The following AGMO variants were observed in gnomAD, a reference collection of about 807,000 sequenced individuals.
The protein encoded by AGMO is alkylglycerol monooxygenase, also known as glyceryl-ether monooxygenase.
AGMO carries 75 observed loss-of-function variants against 60.2 expected under a neutral mutation model. The ratio of observed to expected loss-of-function variants is 1.25; its 90% CI spans 1.03 to 1.51. The LOEUF (loss-of-function observed/expected upper bound fraction) is 1.51. Ranked by LOEUF, AGMO falls within the 40% of genes most tolerant of loss-of-function variation. The pLI, the probability that AGMO is intolerant of heterozygous loss-of-function variation, is 0.00. For missense variants in AGMO, 763 were observed against 525.5 expected (o/e 1.45, Z -4.42); for synonymous variants, 261 against 177.1 (o/e 1.47, Z -3.76).
the AGMO span, among the ~76,000 whole-genome samples, chr7:15,162,364 G>A: frequency 6.6e-6 from 1 of 152,048 alleles, no homozygotes; most frequent in Non-Finnish European, 1.5e-5. Flanking sequence ...CTTATCATAG[G>A]TTTGCTATGC....
chr7:15,281,634 T>C (rs1386676025), intron 12 of AGMO, among the ~76,000 whole-genome samples: 3 of 152,088 alleles, frequency 2.0e-5, no homozygotes, highest in Non-Finnish European at 4.4e-5. Context: ...TTCAGTCTAT[T>C]CCACTGAGAG....
chr7:15,145,117 T>C, the AGMO span, among the ~76,000 whole-genome samples: 4 of 152,190 alleles, frequency 2.6e-5, no homozygotes, highest in African/African-American at 4.8e-5. Context: ...CGTGAGCCGC[T>C]GCGCCCGGCC....
chr7:15,261,812 T>G (rs937192151), intron 12 of AGMO, among the ~76,000 whole-genome samples: 1 of 152,020 alleles, frequency 6.6e-6, no homozygotes, highest in Non-Finnish European at 1.5e-5. Context: ...CATGATCAAG[T>G]GGGTTTCATA....
chr7:15,135,347 G>A, the AGMO span, among the ~76,000 whole-genome samples: 1 of 151,988 alleles, frequency 6.6e-6, no homozygotes. Context: ...TCTGTTCAAG[G>A]TATCCACCAC....
At chr7:15,538,141 C>T (rs1265400567) in intron 3 of AGMO, among the ~76,000 whole-genome samples, 1 of 152,104 alleles carries the variant, frequency 6.6e-6, no homozygotes, top group East Asian at 1.9e-4. Context: ...AGTAAGGGAT[C>T]ATGAGAGAAG....
At position 15,300,426 on chromosome 7, in the gene AGMO, C is replaced by G. The variant is rs140305286; in HGVS notation, c.1263+65088G>C. Among the ~76,000 whole-genome samples the G allele has an allele frequency of 4.4e-3, 675 of 152,192 alleles. 8 individuals carry two copies. The highest frequency in any genetic ancestry group is 0.015 in the African/African-American group (633 of 41,522). ...CAGCTACGTGATGGGATTAAATTAT[C>G]ACAGTTGTACTGACATCTTCAAAGC... On this transcript the variant is annotated intron_variant, in intron 12 of 12. Transcript: ENST00000342526.
chr7:15,119,836 T>A, the AGMO span, among the ~76,000 whole-genome samples: 4 of 152,068 alleles, frequency 2.6e-5, no homozygotes, highest in Non-Finnish European at 5.9e-5. Flanking sequence ...AGAAAAGAAC[T>A]TTTGGATATT....
intron 5 of AGMO, among the ~76,000 whole-genome samples, chr7:15,397,400 C>T (rs1055557373): frequency 1.5e-4 from 23 of 152,080 alleles, no homozygotes; most frequent in Non-Finnish European, 1.5e-4. Context: ...CACACCTCCC[C>T]GCAAGCAGAG....
the AGMO span, among the ~76,000 whole-genome samples, chr7:15,134,140 G>T: frequency 1.3e-5 from 2 of 152,026 alleles, no homozygotes; most frequent in Non-Finnish European, 1.5e-5. Context: ...CAGATAATAA[G>T]TGTAGTACCT....
At chr7:15,510,363 A>C (rs1364892350) in intron 3 of AGMO, among the ~76,000 whole-genome samples, 1 of 151,868 alleles carries the variant, frequency 6.6e-6, no homozygotes, top group East Asian at 1.9e-4. Flanking sequence ...TTTTTAGTAC[A>C]GACAGGATGG....
intron 12 of AGMO, among the ~76,000 whole-genome samples, chr7:15,242,881 T>G (rs765863302): frequency 6.6e-6 from 1 of 152,032 alleles, no homozygotes; most frequent in Non-Finnish European, 1.5e-5. Flanking sequence ...ATAAATGACA[T>G]TAAGTGTATA....
chr7:15,555,963 T>C lies in AGMO; in HGVS notation c.257+4178A>G, dbSNP rs560302689. On this transcript the variant is annotated intron_variant, in intron 2 of 12. Transcript: ENST00000342526. The stretch of plus-strand genomic sequence containing the variant: ...ATTATTTCTAAGTTAATACATTTAG[T>C]ATTAATAATAAAGTACTATTATTAA... Among the ~76,000 whole-genome samples, 5 of 152,126 alleles carry C rather than the reference T, an allele frequency of 3.3e-5. No homozygotes were observed. The South Asian group carries it at 6.2e-4, about 19-fold the overall frequency.
At chr7:15,508,061 C>T (rs1422546531) in intron 3 of AGMO, among the ~76,000 whole-genome samples, 6 of 151,788 alleles carry the variant, frequency 4.0e-5, no homozygotes, top group Non-Finnish European at 7.4e-5. Flanking sequence ...ATTTGTTACC[C>T]GCATATCTGC....
chr7:15,299,775 C>G (rs1037746819), intron 12 of AGMO, among the ~76,000 whole-genome samples: 1 of 145,742 alleles, frequency 6.9e-6, no homozygotes, highest in African/African-American at 2.5e-5. Flanking sequence ...TTTCAGTGAG[C>G]CAATATTGAG....
intron 12 of AGMO, among the ~76,000 whole-genome samples, chr7:15,295,736 A>G (rs1784389158): frequency 6.6e-6 from 1 of 152,146 alleles, no homozygotes; most frequent in Non-Finnish European, 1.5e-5. Context: ...AAGAATGTTC[A>G]TAACCCTTGA....
chr7:15,196,008 C>CTCCT (rs1781107136), downstream of AGMO, among the ~76,000 whole-genome samples: 1 of 151,588 alleles, frequency 6.6e-6, no homozygotes, highest in South Asian at 2.1e-4. Context: ...CTCCCCTTCC[C>CTCCT]TCCTCTCTTT....
At chr7:15,301,960 A>G (rs1031917935) in intron 12 of AGMO, among the ~76,000 whole-genome samples, 2 of 152,192 alleles carry the variant, frequency 1.3e-5, no homozygotes, top group Non-Finnish European at 2.9e-5. Context: ...GGGAAATAGT[A>G]TCAGAGGAGA....
chr7:15,345,180 C>G (rs1455012512), intron 12 of AGMO, among the ~76,000 whole-genome samples: 1 of 152,156 alleles, frequency 6.6e-6, no homozygotes, highest in African/African-American at 2.4e-5. Flanking sequence ...GGCCTGAGAA[C>G]AAAATCCCAA....
the AGMO span, among the ~76,000 whole-genome samples, chr7:15,132,692 T>C: frequency 6.6e-6 from 1 of 152,152 alleles, no homozygotes; most frequent in Non-Finnish European, 1.5e-5. Context: ...GAAGATCAAC[T>C]GGGGTGAGCT....
Sources: allele counts gnomAD v4.1 joint callset (sites outside exome capture counted in the v4.1 genomes callset), GRCh38; gene constraint gnomAD v4.1.1; transcripts MANE v1.5; gene names NCBI Gene and HGNC (gene_info 2026-07-23, HGNC 2026-07-21).